ADGRB1: variants seen among roughly 807,000 people sequenced by gnomAD.
ADGRB1 encodes brain-specific angiogenesis inhibitor 1.
A neutral mutation model predicts 175.7 loss-of-function variants in ADGRB1; 36 were observed. The observed-to-expected ratio is 0.20, with a 90% CI of 0.16 to 0.27. The LOEUF is 0.27. ADGRB1 is among the 10% of genes least tolerant of loss of function. The pLI, the probability that ADGRB1 is intolerant of heterozygous loss-of-function variation, is 1.00. For synonymous variants in ADGRB1, 1,054 were observed against 979.4 expected (o/e 1.08, Z -1.42); for missense variants, 1,731 against 2,255.3 (o/e 0.77, Z 4.71).
chr8:142,475,338 C>A (rs185779289), intron 2 of ADGRB1, 136 bp from the exon 3 acceptor site: 12,179 of 934,756 alleles, frequency 0.013, 78 homozygotes, highest in Middle Eastern at 0.019. Context: ...CAGGTCCTCC[C>A]AGGCCAGGCC....
chr8:142,534,844 C>A (rs989234988), intron 25 of ADGRB1, among the ~76,000 whole-genome samples: 2 of 152,216 alleles, frequency 1.3e-5, no homozygotes, highest in African/African-American at 4.8e-5. Context: ...CTGGTCCCAG[C>A]AATGAACTCG....
In ADGRB1 at chr8:142,510,979, G is replaced by A; in HGVS notation, c.2723G>A (p.Gly908Asp). ...PPQLGPWSWRGCRTVPLDALR... is the reference protein window; with the variant it reads ...PPQLGPWSWRDCRTVPLDALR... ...CAGCTCGGGCCCTGGTCGTGGCGCG[G>A]CTGCCGCACGGTGCCCCTCGACGCC... is the stretch of plus-strand genomic sequence containing the variant. The change falls in exon 18 of 31, where the codon GGC (glycine) becomes GAC (aspartate). Residue 908 changes from glycine (G) to aspartate (D), a missense_variant. Physicochemically the swap from Gly to Asp is moderately conservative, Grantham distance 94. This residue lies in a region of ADGRB1 where 77 missense variants were observed against 71.6 expected (regional missense o/e 1.08). Coordinates refer to ENST00000517894, the MANE Select transcript of ADGRB1 (RefSeq NM_001702.3). This position sits in a 1 kb window ranked among gnomAD's most constrained non-coding sequence, Gnocchi z 6.3. The A allele has an allele frequency of 7.6e-7, 1 of 1,321,738 alleles. No homozygotes were observed. The highest frequency in any genetic ancestry group is 9.8e-7 in the Non-Finnish European group (1 of 1,019,436). The allele number at this position is 1,321,738 out of a possible 1,614,324, so 81.9% of individuals were successfully genotyped here.
At chr8:142,472,705 G>A (rs1210991575) in intron 2 of ADGRB1, among the ~76,000 whole-genome samples, 1 of 152,206 alleles carries the variant, frequency 6.6e-6, no homozygotes, top group African/African-American at 2.4e-5. Flanking sequence ...CCAAGATGGG[G>A]GATCAGTCTG....
At chr8:142,529,749 TGA>T (rs1384197872) in intron 24 of ADGRB1, among the ~76,000 whole-genome samples, 6 of 148,320 alleles carry the variant, frequency 4.0e-5, no homozygotes, top group East Asian at 4.0e-4. Flanking sequence ...TGCATATGTG[TGA>T]GTGTGCATCT....
In ADGRB1 at chr8:142,510,995, C is replaced by A. The variant is rs1057069981; in HGVS notation, c.2739C>A (p.Pro913=). 1 of 1,327,040 alleles carries A rather than the reference C, an allele frequency of 7.5e-7. No homozygotes were observed. The highest frequency in any genetic ancestry group is 2.7e-5 in the Admixed American group (1 of 37,510). 82.2% of individuals were successfully genotyped at this position (1,327,040 alleles called of 1,614,324 possible). ...PWSWRGCRTV[P]LDALRTRCLC... Reference sequence around the variant, plus strand: ...CGTGGCGCGGCTGCCGCACGGTGCCCCTCGACGCCCTCCGGACGCGCTGCC... The same window carrying A: ...CGTGGCGCGGCTGCCGCACGGTGCCACTCGACGCCCTCCGGACGCGCTGCC... Residue 913 remains proline (P), a synonymous_variant, in exon 18 of 31, where the codon CCC becomes CCA. Transcript: ENST00000517894. This position sits in a 1 kb window ranked among gnomAD's most constrained non-coding sequence, Gnocchi z 6.3.
intron 17 of ADGRB1, among the ~76,000 whole-genome samples, chr8:142,505,903 G>A (rs1372853114): frequency 6.6e-6 from 1 of 152,198 alleles, no homozygotes; most frequent in Non-Finnish European, 1.5e-5. Context: ...GTGGGCAGCT[G>A]CAGGGAGGTG....
At position 142,543,451 on chromosome 8, in the gene ADGRB1, G is replaced by A. The variant is rs775399402; in HGVS notation, c.4449+13G>A. 3.7e-6 allele frequency: 6 copies of A among 1,613,466 alleles called. No homozygotes were observed. The Admixed American group carries it at 5.0e-5, about 13-fold the overall frequency. On this transcript the variant is annotated intron_variant, in intron 29 of 30. Transcript: ENST00000517894. The surrounding 1 kb of genome is among the most constrained non-coding windows in gnomAD (Gnocchi z 4.4). ...ACTGGACTTTGAGGTGAGTTCTGGT[G>A]TCCCCCCCCACCAGACACTTAGGGC...
chr8:142,489,463 CTG>C, intron 16 of ADGRB1, 25 bp downstream of exon 16: 1 of 1,604,526 alleles, frequency 6.2e-7, no homozygotes, highest in Non-Finnish European at 8.5e-7. Context: ...CGTGCACACT[CTG>C]ATGCCAGCAG....
intron 1 of ADGRB1, among the ~76,000 whole-genome samples, chr8:142,457,511 T>C (rs1410931004): frequency 1.3e-5 from 2 of 152,020 alleles, no homozygotes; most frequent in South Asian, 2.1e-4. Flanking sequence ...TCTGTGAACA[T>C]GGTGGGCTCC....
At chr8:142,501,911 G>A (rs1427730855) in intron 17 of ADGRB1, among the ~76,000 whole-genome samples, 2 of 120,280 alleles carry the variant, frequency 1.7e-5, no homozygotes, top group Admixed American at 8.3e-5. Flanking sequence ...GGTGGTGATG[G>A]TGGTGGCGGT....
intron 24 of ADGRB1, among the ~76,000 whole-genome samples, chr8:142,529,141 G>A (rs762085496): frequency 3.3e-5 from 5 of 152,194 alleles, no homozygotes; most frequent in Non-Finnish European, 7.3e-5. Context: ...TGCCTGATGG[G>A]AAGCCTCCCT....
chr8:142,497,437 G>A (rs781315852), intron 17 of ADGRB1, among the ~76,000 whole-genome samples: 3 of 152,144 alleles, frequency 2.0e-5, no homozygotes, highest in Admixed American at 6.5e-5. Context: ...GTCAGCAGCC[G>A]GTTCCCAGCT....
At chr8:142,519,588 ATTG>A (rs1843645377) in intron 19 of ADGRB1, among the ~76,000 whole-genome samples, 3 of 103,948 alleles carry the variant, frequency 2.9e-5, no homozygotes, top group Admixed American at 8.7e-5. Context: ...GGTGGTGGTG[ATTG>A]TGGTGGTGAT....
intron 22 of ADGRB1, among the ~76,000 whole-genome samples, chr8:142,523,195 TG>T (rs956989486): frequency 6.6e-6 from 1 of 152,200 alleles, no homozygotes; most frequent in Non-Finnish European, 1.5e-5. Flanking sequence ...ACCAGGTCCT[TG>T]GGGCCTTAAA....
rs778790397 is a variant in ADGRB1, at chr8:142,544,265, C to G, written c.4603C>G (p.Arg1535Gly). 96 of 1,549,314 alleles carry G rather than the reference C, an allele frequency of 6.2e-5. 1 individual carries two copies. The Admixed American group carries it at 1.7e-3, about 28-fold the overall frequency. ...TPNKRPWESL[R>G]KAHGTPTWVK... ...CAACAAGAGGCCCTGGGAGAGCCTC[C>G]GGAAAGCCCACGGGACGCCCACGTG... Residue 1535 changes from arginine (R) to glycine (G), a missense_variant, in exon 31 of 31, where the codon CGG becomes GGG. Physicochemically the swap from Arg to Gly is moderately radical, Grantham distance 125 (BLOSUM62 -2). Transcript: ENST00000517894.
Position 142,528,916 on chromosome 8 carries a change from G to A in ADGRB1, c.3398+2289G>A, listed in dbSNP as rs10092230. On this transcript the variant is annotated intron_variant, in intron 24 of 30. Transcript: ENST00000517894. ...CAGGTGGAGTGCAGCTGTGGGCTGC[G>A]CTGCGGTAGGGAAGGAGCGGTGGTC... is the stretch of plus-strand genomic sequence containing the variant. Among the ~76,000 whole-genome samples, 28 of 152,332 alleles carry A rather than the reference G, an allele frequency of 1.8e-4. 1 individual carries two copies. Among genetic ancestry groups the A allele is most frequent in the East Asian group, 5.8e-4 (3 of 5,176 alleles).
chr8:142,464,150 C>T lies in ADGRB1; in HGVS notation c.-49C>T. On this transcript the variant is annotated 5_prime_UTR_variant, in exon 2 of 31. Coordinates refer to ENST00000517894, the MANE Select transcript of ADGRB1 (RefSeq NM_001702.3). ...GACCCTGGCATGTCAAGACCTGGTC[C>T]GCGCCTGCCTGCCCAGCCCGCGGAA... 8.0e-7 allele frequency: 1 copy of T among 1,242,964 alleles called. No individual in the cohort carries two copies. Among genetic ancestry groups the T allele is most frequent in the Non-Finnish European group, 1.0e-6 (1 of 996,960 alleles). 77.0% of individuals were successfully genotyped at this position (1,242,964 alleles called of 1,614,324 possible). A position where few individuals can be genotyped will look rare whatever the true frequency, so the allele number is the denominator to read the frequency against.
chr8:142,459,185 G>C (rs1313090922), intron 1 of ADGRB1, among the ~76,000 whole-genome samples: 11 of 152,220 alleles, frequency 7.2e-5, no homozygotes, highest in African/African-American at 2.7e-4. Context: ...CATGGAACAC[G>C]CCTTTGGAGG....
chr8:142,488,989 G>T (rs1841848353), intron 14 of ADGRB1, 46 bp from the exon 15 acceptor site: 2 of 1,592,744 alleles, frequency 1.3e-6, no homozygotes, highest in Non-Finnish European at 1.7e-6. Context: ...GTCCCACCCT[G>T]GCTGTGGGGA....
Sources: allele counts gnomAD v4.1 joint callset (sites outside exome capture counted in the v4.1 genomes callset), GRCh38; gene constraint gnomAD v4.1.1; regional missense constraint gnomAD v4.1.1; non-coding constraint Gnocchi (gnomAD v3.1); transcripts MANE v1.5; gene names NCBI Gene and HGNC (gene_info 2026-07-23, HGNC 2026-07-21).